The following DEF8 variants were observed in gnomAD, a reference collection of about 807,000 sequenced individuals.
DEF8 encodes differentially expressed in FDCP 8 homolog, also known as DEF-8.
Under a neutral mutation model 59.1 loss-of-function variants are expected in DEF8, and 38 were observed. The ratio of observed to expected loss-of-function variants is 0.64; its 90% CI spans 0.50 to 0.84. The LOEUF is 0.84. Ranked by LOEUF, DEF8 falls within the 40% of genes least tolerant of loss-of-function variation. DEF8 has a pLI of 0.00. For synonymous variants in DEF8, 265 were observed against 250.1 expected, an observed-to-expected ratio of 1.06 and a Z score of -0.56; for missense variants, 557 against 615.2, an observed-to-expected ratio of 0.91 and a Z score of 1.00.
At chr16:89,949,712 G>C (rs1417088995) in intron 2 of DEF8, 199 bp downstream of exon 2, 7 of 1,410,116 alleles carry the variant, frequency 5.0e-6, no homozygotes, top group South Asian at 3.8e-5. Flanking sequence ...GGCTTTCTTC[G>C]GCTTCCTTTC....
At position 89,965,896 on chromosome 16, in the gene DEF8, A is replaced by G. The variant is rs2034571043; in HGVS notation, c.1289A>G (p.Lys430Arg). The G allele has an allele frequency of 3.7e-6, 6 of 1,613,494 alleles. No homozygotes were observed. The highest frequency in any genetic ancestry group is 5.1e-6 in the Non-Finnish European group (6 of 1,179,734). ...CYYDNSTTCP[K>R]CARLSLRKQS... ...TACGACAACTCCACCACTTGTCCCA[A>G]GTGTGCCCGGCTCAGCCTGAGGAAG... The change falls in exon 13 of 13, where the codon AAG becomes AGG. Residue 430 changes from lysine to arginine, a missense_variant. Transcript: ENST00000563594.
At chr16:89,961,446 C>T (rs913600286) in intron 7 of DEF8, among the ~76,000 whole-genome samples, 2 of 152,226 alleles carry the variant, frequency 1.3e-5, no homozygotes, top group Admixed American at 6.5e-5. Context: ...ACACGGTTGT[C>T]GCCCAGTTGT....
In DEF8 at chr16:89,966,142, C is replaced by CG; in HGVS notation, c.*183dup. ...TGTCTCCCAGGTGCTTGCTGGGACT[C>CG]GGGGCGGCTGCACCTGGCTGTCACC... On this transcript the variant is annotated 3_prime_UTR_variant, in exon 13 of 13. Coordinates refer to ENST00000563594, the MANE Select transcript of DEF8 (RefSeq NM_001242818.2). 1.8e-6 allele frequency: 1 copy of CG among 548,626 alleles called. No homozygotes were observed. Among genetic ancestry groups the CG allele is most frequent in the East Asian group, 3.2e-5 (1 of 31,552 alleles). The allele number at this position is 548,626 out of a possible 1,614,324, so 34.0% of individuals were successfully genotyped here. A position where few individuals can be genotyped will look rare whatever the true frequency, so the allele number is the denominator to read the frequency against.
Position 89,954,712 on chromosome 16 carries a change from G to A in DEF8, c.124+336G>A, listed in dbSNP as rs577381730. ...TTAGCCGAGGGAACGTGCTCTGGGC[G>A]TCAGGGTGGCATGAGCTTTAGAAAC... On this transcript the variant is annotated intron_variant, in intron 3 of 12. Transcript: ENST00000563594. The surrounding 1 kb of genome is among the most constrained non-coding windows in gnomAD (Gnocchi z 4.3). Among the ~76,000 whole-genome samples the A allele has an allele frequency of 6.6e-6, 1 of 152,214 alleles. No individual in the cohort carries two copies. Among genetic ancestry groups the A allele is most frequent in the African/African-American group, 2.4e-5 (1 of 41,438 alleles).
Position 89,954,424 on chromosome 16 carries a change from G to A in DEF8, c.124+48G>A, listed in dbSNP as rs748599943. The A allele has an allele frequency of 2.5e-6, 4 of 1,587,100 alleles. No homozygotes were observed. The highest frequency in any genetic ancestry group is 3.4e-6 in the Non-Finnish European group (4 of 1,165,298). Reference sequence around the variant, plus strand: ...GTGGGAGCTGGGCAGGTCTCTGACTGCTTACGTGGACCCCTCCTTTCTTCC... The same window carrying A: ...GTGGGAGCTGGGCAGGTCTCTGACTACTTACGTGGACCCCTCCTTTCTTCC... On this transcript the variant is annotated intron_variant, in intron 3 of 12. Transcript: ENST00000563594. This position sits in a 1 kb window ranked among gnomAD's most constrained non-coding sequence, Gnocchi z 4.3.
At position 89,967,195 on chromosome 16, in the gene DEF8, C is replaced by T. The variant is rs932247696; in HGVS notation, c.*1232C>T. On this transcript the variant is annotated 3_prime_UTR_variant, in exon 13 of 13. Transcript: ENST00000563594. ...GGGTGCTCCTGTCTGTCCTTTTCCCCCACACCCTGGACTGTGCTTGGCTGT... is the reference window on the plus strand; with the variant it reads ...GGGTGCTCCTGTCTGTCCTTTTCCCTCACACCCTGGACTGTGCTTGGCTGT... 18 of 398,140 alleles carry T rather than the reference C, an allele frequency of 4.5e-5. No individual in the cohort carries two copies. The highest frequency in any genetic ancestry group is 3.5e-4 in the African/African-American group (17 of 48,624). The allele number at this position is 398,140 out of a possible 1,614,324, so 24.7% of individuals were successfully genotyped here.
chr16:89,960,826 G>A (rs2033932777), intron 6 of DEF8, 105 bp from the exon 7 acceptor site: 3 of 1,188,282 alleles, frequency 2.5e-6, no homozygotes, highest in South Asian at 2.8e-5. Flanking sequence ...GATTGATCTG[G>A]GCCTCAGAGT....
chr16:89,963,349 C>T lies in DEF8; in HGVS notation c.922-14C>T, dbSNP rs377483048. The T allele has an allele frequency of 5.8e-5, 94 of 1,612,290 alleles. No homozygotes were observed. The highest frequency in any genetic ancestry group is 7.3e-5 in the Non-Finnish European group (86 of 1,179,130). On this transcript the variant is annotated splice_polypyrimidine_tract_variant and intron_variant, in intron 9 of 12. Transcript: ENST00000563594. ...CTGGCTGAGGAGGCCTGCCTGCTCC[C>T]GCCTTGTTTGCAGAAGCTGCGCCAG...
Position 89,957,511 on chromosome 16 carries a change from G to T in DEF8, c.223G>T (p.Gly75Cys). ...LSEDHFSRPV[G>C]LFLASDVQQL... Reference sequence around the variant, plus strand: ...CTGCCCCCGCCCCCAACCTGGGCAGGGTCTGTTCCTGGCCTCTGACGTCCA... The same window carrying T: ...CTGCCCCCGCCCCCAACCTGGGCAGTGTCTGTTCCTGGCCTCTGACGTCCA... The change falls in exon 5 of 13, where the codon GGT (glycine) becomes TGT (cysteine). Residue 75 changes from glycine (G) to cysteine (C), a missense_variant and splice_region_variant. By Grantham distance (159) the Gly-to-Cys change is radical. Coordinates refer to ENST00000563594, the MANE Select transcript of DEF8 (RefSeq NM_001242818.2). 6.3e-7 allele frequency: 1 copy of T among 1,582,994 alleles called. No individual in the cohort carries two copies. Among genetic ancestry groups the T allele is most frequent in the East Asian group, 2.3e-5 (1 of 43,268 alleles).
chr16:89,950,145 C>A (rs1188916916), intron 2 of DEF8: 1 of 987,182 alleles, frequency 1.0e-6, no homozygotes, highest in Non-Finnish European at 1.2e-6. Flanking sequence ...TTCCTTGACG[C>A]TCCTCTGGCC....
intron 1 of DEF8, among the ~76,000 whole-genome samples, 170 bp from the exon 2 acceptor site, chr16:89,949,247 G>A (rs2031473685): frequency 1.3e-5 from 2 of 152,024 alleles, no homozygotes; most frequent in South Asian, 4.1e-4. Flanking sequence ...GGCGGCTCAG[G>A]GGACCCGCGT....
chr16:89,957,505 G>A lies in DEF8; in HGVS notation c.223-6G>A, dbSNP rs1460345013. 2 of 1,579,008 alleles carry A rather than the reference G, an allele frequency of 1.3e-6. No individual in the cohort carries two copies. Among genetic ancestry groups the A allele is most frequent in the Non-Finnish European group, 1.7e-6 (2 of 1,162,800 alleles). On this transcript the variant is annotated splice_region_variant and splice_polypyrimidine_tract_variant and intron_variant, in intron 4 of 12. Coordinates refer to ENST00000563594, the MANE Select transcript of DEF8 (RefSeq NM_001242818.2). ...CTTTGACTGCCCCCGCCCCCAACCTGGGCAGGGTCTGTTCCTGGCCTCTGA... is the reference window on the plus strand; with the variant it reads ...CTTTGACTGCCCCCGCCCCCAACCTAGGCAGGGTCTGTTCCTGGCCTCTGA...
intron 9 of DEF8, among the ~76,000 whole-genome samples, chr16:89,962,894 C>T (rs1450071459): frequency 2.6e-5 from 4 of 152,224 alleles, no homozygotes; most frequent in South Asian, 4.1e-4. Flanking sequence ...CTCTCTTAGC[C>T]AGCGGTGAGG....
Position 89,955,010 on chromosome 16 carries a change from C to T in DEF8, c.125-159C>T, listed in dbSNP as rs532309730. 3.6e-4 allele frequency among the ~76,000 whole-genome samples: 55 copies of T among 152,270 alleles called. No homozygotes were observed. The South Asian group carries it at 0.011, about 32-fold the overall frequency. ...GGCTCCTCTGTGAATGCAGACTGGA[C>T]GGTGTGCAGATCTGAGTGGTGCCCA... On this transcript the variant is annotated intron_variant, in intron 3 of 12. Transcript: ENST00000563594.
At chr16:89,950,891 G>A (rs533629657) in intron 2 of DEF8, among the ~76,000 whole-genome samples, 89 of 152,148 alleles carry the variant, frequency 5.8e-4, no homozygotes, top group Non-Finnish European at 9.0e-4. Flanking sequence ...TAATATGGGA[G>A]GACCCCTTCA....
intron 1 of DEF8, 62 bp downstream of exon 1, chr16:89,948,876 CGGCG>C (rs2031231834): frequency 1.0e-5 from 3 of 295,160 alleles, no homozygotes; most frequent in African/African-American, 1.7e-4. Flanking sequence ...GGGACGGGGC[CGGCG>C]GGGACGGGGT....
chr16:89,963,826 G>A (rs151000700), intron 10 of DEF8: 33 of 490,076 alleles, frequency 6.7e-5, no homozygotes, highest in African/African-American at 4.3e-4. Context: ...AAGTAGGGAA[G>A]ACAAGAAAAA....
chr16:89,955,044 G>A (rs563264161), intron 3 of DEF8, 125 bp from the exon 4 acceptor site: 45 of 683,052 alleles, frequency 6.6e-5, no homozygotes, highest in Non-Finnish European at 1.0e-4. Flanking sequence ...CAGCTCTCAC[G>A]GTGCCTCCTT....
intron 4 of DEF8, among the ~76,000 whole-genome samples, chr16:89,955,794 C>A (rs957198148): frequency 6.6e-6 from 1 of 152,122 alleles, no homozygotes; most frequent in East Asian, 1.9e-4. Flanking sequence ...AGTTTGAGGC[C>A]GGGCGCGGTG....
Sources: gnomAD v4.1 joint callset for allele counts (sites outside exome capture counted in the v4.1 genomes callset) on GRCh38, gnomAD v4.1.1 for gene constraint, Gnocchi (gnomAD v3.1) non-coding constraint, MANE v1.5 for transcripts, NCBI Gene and HGNC (gene_info 2026-07-23, HGNC 2026-07-21) for gene names.